The following TACC2 variants were observed in gnomAD, a reference collection of about 807,000 sequenced individuals.
TACC2 encodes the protein transforming acidic coiled-coil containing protein 2, also known as transforming acidic coiled-coil-containing protein 2.
TACC2 carries 137 observed loss-of-function variants against 227.3 expected under a neutral mutation model. The observed-to-expected ratio is 0.60, with a 90% CI of 0.52 to 0.69. The LOEUF (loss-of-function observed/expected upper bound fraction) is 0.69. TACC2 is among the 30% of genes least tolerant of loss of function. The probability of loss-of-function intolerance (pLI) is 0.00; values close to 1 mark genes in which losing one functional copy is unlikely to be tolerated. For synonymous variants in TACC2, 1,523 were observed against 1,487.5 expected, an observed-to-expected ratio of 1.02 and a Z score of -0.55; for missense variants, 3,470 against 3,694.4, an observed-to-expected ratio of 0.94 and a Z score of 1.57.
At chr10:122,171,155 C>T (rs964170406) in intron 7 of TACC2, among the ~76,000 whole-genome samples, 2 of 152,180 alleles carry the variant, frequency 1.3e-5, no homozygotes, top group Admixed American at 6.5e-5. Context: ...GCAATAAATC[C>T]GGTGGGGGTG....
At chr10:122,151,704 G>A (rs1396429099) in intron 7 of TACC2, among the ~76,000 whole-genome samples, 2 of 152,170 alleles carry the variant, frequency 1.3e-5, no homozygotes, top group African/African-American at 2.4e-5. Context: ...GAGGTCAGAG[G>A]GCCATGTGGA....
intron 5 of TACC2, among the ~76,000 whole-genome samples, chr10:122,129,113 T>C (rs1367299244): frequency 6.8e-6 from 1 of 146,232 alleles, no homozygotes; most frequent in South Asian, 2.2e-4. Context: ...GGAGTTTTGC[T>C]CTTGTCACCC....
intron 2 of TACC2, among the ~76,000 whole-genome samples, chr10:122,030,108 G>A (rs1049692793): frequency 6.6e-6 from 1 of 152,116 alleles, no homozygotes; most frequent in Admixed American, 6.6e-5. Context: ...AGCACAAAAT[G>A]TCAACAGCGC....
chr10:122,036,653 A>C lies in TACC2; in HGVS notation c.34-13785A>C, dbSNP rs540099209. 5.9e-5 allele frequency among the ~76,000 whole-genome samples: 9 copies of C among 152,188 alleles called. No homozygotes were observed. In the East Asian group the frequency reaches 1.5e-3, roughly 26 times the overall value. The stretch of plus-strand genomic sequence containing the variant: ...GTAGCTGGGATTACAGGCGTGCACC[A>C]TCACACCCGGCTAATTTTTGTATTT... On this transcript the variant is annotated intron_variant, in intron 2 of 22. Transcript: ENST00000369005.
intron 7 of TACC2, among the ~76,000 whole-genome samples, chr10:122,190,947 T>C (rs1240979970): frequency 6.6e-6 from 1 of 152,186 alleles, no homozygotes; most frequent in East Asian, 1.9e-4. Flanking sequence ...GCTGAAAATG[T>C]TTGGAAGCCA....
rs544437769 is a variant in TACC2 at position 122,140,034 on chromosome 10, C to T, written c.5700-3538C>T. Among the ~76,000 whole-genome samples, 9 of 152,322 alleles carry T rather than the reference C, an allele frequency of 5.9e-5. No homozygotes were observed. In the East Asian group the frequency reaches 9.6e-4, roughly 16 times the overall value. ...AACAGCTGCTGACGGTGTCTCACTG[C>T]GGCCGGATCTGCAGGGCTGTCGGGC... On this transcript the variant is annotated intron_variant, in intron 6 of 22. Transcript: ENST00000369005.
At chr10:122,192,657 C>T (rs1213276961) in intron 7 of TACC2, 3 of 456,090 alleles carry the variant, frequency 6.6e-6, no homozygotes, top group East Asian at 7.0e-5. Context: ...ATTTGGGGGA[C>T]AGAGGCTGTT....
chr10:122,128,674 G>A (rs553104401), intron 5 of TACC2, among the ~76,000 whole-genome samples: 35 of 152,194 alleles, frequency 2.3e-4, no homozygotes, highest in Middle Eastern at 3.4e-3. Context: ...TTGTTCCCTG[G>A]CACTTAAAAT....
intron 1 of TACC2, among the ~76,000 whole-genome samples, chr10:122,002,697 G>T (rs1954551738): frequency 6.6e-6 from 1 of 152,074 alleles, no homozygotes. Flanking sequence ...AACTTTAGTG[G>T]TGTCATTTCT....
At chr10:122,063,688 G>A (rs1299349255) in intron 3 of TACC2, among the ~76,000 whole-genome samples, 1 of 151,940 alleles carries the variant, frequency 6.6e-6, no homozygotes, top group South Asian at 2.1e-4. Flanking sequence ...CAAAATATTA[G>A]TGTTTTCCTC....
chr10:122,068,069 T>C (rs930027512), intron 3 of TACC2, among the ~76,000 whole-genome samples: 1 of 152,192 alleles, frequency 6.6e-6, no homozygotes, highest in East Asian at 1.9e-4. Flanking sequence ...CGCTATATCT[T>C]GAAGTTCACT....
At chr10:122,133,806 C>T (rs1386784628) in intron 6 of TACC2, among the ~76,000 whole-genome samples, 1 of 152,198 alleles carries the variant, frequency 6.6e-6, no homozygotes, top group African/African-American at 2.4e-5. Flanking sequence ...GTATCTAATT[C>T]CGTCTCCTTC....
Position 122,085,380 on chromosome 10 carries a change from G to T in TACC2, c.2880G>T (p.Arg960Ser), listed in dbSNP as rs1278485981. 6.2e-7 allele frequency: 1 copy of T among 1,613,978 alleles called. No homozygotes were observed. Among genetic ancestry groups the T allele is most frequent in the Non-Finnish European group, 8.5e-7 (1 of 1,180,044 alleles). ...EGACGDGQSS[R>S]VSPPAADVLK... ...CATGCGGTGATGGTCAGTCCTCGAG[G>T]GTCTCGCCTCCAGCAGCAGATGTCT... The change falls in exon 4 of 23, where the codon AGG becomes AGT. Residue 960 changes from arginine to serine, a missense_variant. Arg to Ser is a moderately radical substitution (Grantham distance 110). Coordinates refer to ENST00000369005, the MANE Select transcript of TACC2 (RefSeq NM_206862.4).
At chr10:122,144,273 T>C (rs557650854) in intron 7 of TACC2, among the ~76,000 whole-genome samples, 1 of 152,284 alleles carries the variant, frequency 6.6e-6, no homozygotes, top group East Asian at 1.9e-4. Context: ...ATTTCAATAT[T>C]AATCTCATGT....
chr10:122,190,597 G>A (rs1007745372), intron 7 of TACC2, among the ~76,000 whole-genome samples: 1 of 152,052 alleles, frequency 6.6e-6, no homozygotes, highest in Admixed American at 6.6e-5. Context: ...TTGATTGCCT[G>A]GTACGGATAG....
At chr10:122,221,748 T>C (rs1183654817) in intron 11 of TACC2, among the ~76,000 whole-genome samples, 1 of 152,222 alleles carries the variant, frequency 6.6e-6, no homozygotes, top group East Asian at 1.9e-4. Flanking sequence ...AGGGTTTTTA[T>C]CTTAAAGTAT....
In TACC2 at chr10:122,085,391, C is replaced by T; in HGVS notation, c.2891C>T (p.Pro964Leu). 6.2e-7 allele frequency: 1 copy of T among 1,614,014 alleles called. No individual in the cohort carries two copies. The highest frequency in any genetic ancestry group is 8.5e-7 in the Non-Finnish European group (1 of 1,180,052). The change falls in exon 4 of 23, where the codon CCA (proline) becomes CTA (leucine). Residue 964 changes from proline to leucine, a missense_variant. Pro to Leu is a moderately conservative substitution (Grantham distance 98). Coordinates refer to ENST00000369005, the MANE Select transcript of TACC2 (RefSeq NM_206862.4). Reference sequence around the variant, plus strand: ...GGTCAGTCCTCGAGGGTCTCGCCTCCAGCAGCAGATGTCTTAAAAGACTTT... The same window carrying T: ...GGTCAGTCCTCGAGGGTCTCGCCTCTAGCAGCAGATGTCTTAAAAGACTTT... ...GDGQSSRVSP[P>L]AADVLKDFSL...
At chr10:122,064,109 C>T (rs1177534146) in intron 3 of TACC2, among the ~76,000 whole-genome samples, 1 of 151,972 alleles carries the variant, frequency 6.6e-6, no homozygotes, top group Non-Finnish European at 1.5e-5. Context: ...TTGGAGTGAG[C>T]CAAGATCATG....
At chr10:121,993,594 C>T (rs1009904218) in intron 1 of TACC2, among the ~76,000 whole-genome samples, 16 of 152,022 alleles carry the variant, frequency 1.1e-4, no homozygotes, top group African/African-American at 3.6e-4. Flanking sequence ...GTATATCCTC[C>T]TTTCGGGGCT....
Sources: allele counts gnomAD v4.1 joint callset (sites outside exome capture counted in the v4.1 genomes callset), GRCh38; gene constraint gnomAD v4.1.1; transcripts MANE v1.5; gene names NCBI Gene and HGNC (gene_info 2026-07-23, HGNC 2026-07-21).